The following ARMC2 variants were observed in gnomAD, a reference collection of about 807,000 sequenced individuals.
ARMC2 encodes armadillo repeat containing 2.
Under a neutral mutation model 90.3 loss-of-function variants are expected in ARMC2, and 67 were observed. The ratio of observed to expected loss-of-function variants is 0.74; its 90% CI spans 0.61 to 0.91. ARMC2 has a LOEUF of 0.91. Ranked by LOEUF, ARMC2 falls within the 40% of genes least tolerant of loss-of-function variation. The probability of loss-of-function intolerance (pLI) is 0.00; values close to 1 mark genes in which losing one functional copy is unlikely to be tolerated. For synonymous variants in ARMC2, 393 were observed against 393.0 expected (o/e 1.00, Z 0.00); for missense variants, 920 against 1,030.9 (o/e 0.89, Z 1.47).
rs1219203289 is a variant in ARMC2, at chr6:108,973,709, C to G, written c.*195C>G. 2.2e-6 allele frequency: 1 copy of G among 448,656 alleles called. No homozygotes were observed. Among genetic ancestry groups the G allele is most frequent in the South Asian group, 6.0e-5 (1 of 16,572 alleles). 27.8% of individuals were successfully genotyped at this position (448,656 alleles called of 1,614,324 possible). ...GGTATTATGGAAAAATGAATATACA[C>G]ATTATATTTCCTGTTGAGAGAAATG... On this transcript the variant is annotated 3_prime_UTR_variant, in exon 18 of 18. Transcript: ENST00000392644.
At chr6:109,006,779 C>G in the ARMC2 span, among the ~76,000 whole-genome samples, 3 of 152,158 alleles carry the variant, frequency 2.0e-5, no homozygotes. Context: ...CAACTCTTTT[C>G]TAGTAGATGC....
At chr6:108,909,387 A>G (rs1773160634) in intron 8 of ARMC2, among the ~76,000 whole-genome samples, 1 of 151,376 alleles carries the variant, frequency 6.6e-6, no homozygotes, top group Non-Finnish European at 1.5e-5. Flanking sequence ...CTTTTTTACT[A>G]CTTTAGATAA....
the ARMC2 span, among the ~76,000 whole-genome samples, chr6:109,032,182 A>C: frequency 6.6e-6 from 1 of 151,800 alleles, no homozygotes; most frequent in East Asian, 1.9e-4. Context: ...TGAGGCAGGA[A>C]AATCACTTGA....
rs1777314077 is a variant in ARMC2, at chr6:108,953,179, G to A, written c.1743G>A (p.Gln581=). 2 of 1,613,940 alleles carry A rather than the reference G, an allele frequency of 1.2e-6. No homozygotes were observed. The highest frequency in any genetic ancestry group is 1.3e-5 in the African/African-American group (1 of 74,942). Reference sequence around the variant, plus strand: ...TCCATCAGCTGGATCTGCATTCCCAGAAGCCGGTGGGCCAACGAGGCGAGC... The same window carrying A: ...TCCATCAGCTGGATCTGCATTCCCAAAAGCCGGTGGGCCAACGAGGCGAGC... ...QTFHQLDLHS[Q]KPVGQRGEQH... Residue 581 remains glutamine (Q), a synonymous_variant, in exon 13 of 18, where the codon CAG becomes CAA. Transcript: ENST00000392644.
In ARMC2 at chr6:108,960,796, G is replaced by T. The variant is rs1419044272; in HGVS notation, c.1916-776G>T. Among the ~76,000 whole-genome samples, 3 of 152,184 alleles carry T rather than the reference G, an allele frequency of 2.0e-5. No individual in the cohort carries two copies. The East Asian group carries it at 5.8e-4, about 29-fold the overall frequency. On this transcript the variant is annotated intron_variant, in intron 13 of 17. Transcript: ENST00000392644. ...ACAGTATGTTCCAGAAGAAAGTTCA[G>T]CAGTGCACGGGTTCTCAGGCAGGGG...
rs751600003 is a variant in ARMC2, at chr6:108,953,188, G to A, written c.1752G>A (p.Val584=). The A allele has an allele frequency of 1.8e-5, 29 of 1,614,054 alleles. No homozygotes were observed. In the Middle Eastern group the frequency reaches 6.6e-4, roughly 37 times the overall value. ...HQLDLHSQKP[V]GQRGEQHRAQ... ...TGGATCTGCATTCCCAGAAGCCGGTGGGCCAACGAGGCGAGCAGCACAGGG... is the reference window on the plus strand; with the variant it reads ...TGGATCTGCATTCCCAGAAGCCGGTAGGCCAACGAGGCGAGCAGCACAGGG... The change falls in exon 13 of 18, where the codon GTG becomes GTA. Residue 584 remains valine (V), a synonymous_variant. Transcript: ENST00000392644.
At chr6:108,928,422 ATGATTCTATTG>A (rs1249216551) in intron 11 of ARMC2, among the ~76,000 whole-genome samples, 189 bp downstream of exon 11, 1 of 152,180 alleles carries the variant, frequency 6.6e-6, no homozygotes, top group Non-Finnish European at 1.5e-5. Context: ...CATTGTCTAT[ATGATTCTATTG>A]TGATTCTAAA....
At chr6:109,046,703 G>A in the ARMC2 span, among the ~76,000 whole-genome samples, 4 of 126,146 alleles carry the variant, frequency 3.2e-5, no homozygotes, top group African/African-American at 9.1e-5. Context: ...GCCGCCCATC[G>A]TCTGAGATGT....
At chr6:108,986,776 C>G in the ARMC2 span, 6 of 152,204 alleles carry the variant, frequency 3.9e-5, no homozygotes, top group Admixed American at 2.6e-4. Context: ...CAGCTGCCCT[C>G]CAGTGTCAGG....
chr6:108,860,258 ATTT>A (rs1257791337), intron 3 of ARMC2, among the ~76,000 whole-genome samples: 1 of 151,792 alleles, frequency 6.6e-6, no homozygotes, highest in Admixed American at 6.6e-5. Context: ...GGTAGTTTTG[ATTT>A]TTTAACTAAG....
chr6:108,896,653 G>A (rs1314036773), intron 6 of ARMC2, among the ~76,000 whole-genome samples: 1 of 152,154 alleles, frequency 6.6e-6, no homozygotes, highest in Non-Finnish European at 1.5e-5. Context: ...CATTCAGAAG[G>A]GCCCGTAAGG....
the ARMC2 span, among the ~76,000 whole-genome samples, chr6:109,044,311 C>CCAAAAAAA: frequency 7.0e-5 from 2 of 28,472 alleles, no homozygotes; most frequent in African/African-American, 4.0e-4. Flanking sequence ...GAACTTGCCT[C>CCAAAAAAA]AAAAAAAAAA....
intron 3 of ARMC2, among the ~76,000 whole-genome samples, chr6:108,862,866 T>A (rs892683647): frequency 1.3e-5 from 2 of 152,238 alleles, no homozygotes; most frequent in African/African-American, 4.8e-5. Flanking sequence ...GAACAGGGAC[T>A]CAGACAGCAG....
chr6:109,003,100 T>A, the ARMC2 span, among the ~76,000 whole-genome samples: 360 of 152,164 alleles, frequency 2.4e-3, 2 homozygotes, highest in African/African-American at 8.3e-3. Context: ...TGTTAGGGTT[T>A]CCTTTCCCTC....
chr6:108,984,303 A>T, the ARMC2 span, among the ~76,000 whole-genome samples: 1 of 152,194 alleles, frequency 6.6e-6, no homozygotes, highest in Non-Finnish European at 1.5e-5. Flanking sequence ...AATACCTTAG[A>T]CTGGGTAATT....
chr6:108,907,141 T>G (rs568112082), intron 8 of ARMC2, among the ~76,000 whole-genome samples: 4 of 152,300 alleles, frequency 2.6e-5, no homozygotes, highest in African/African-American at 9.6e-5. Flanking sequence ...TTCATTTTTG[T>G]TTTTTCTTCT....
chr6:109,020,143 A>T, the ARMC2 span, among the ~76,000 whole-genome samples: 1 of 152,154 alleles, frequency 6.6e-6, no homozygotes, highest in Non-Finnish European at 1.5e-5. Flanking sequence ...ACAGGTAAGG[A>T]CTCAACTGCT....
the ARMC2 span, among the ~76,000 whole-genome samples, chr6:109,026,845 A>G: frequency 6.6e-6 from 1 of 151,960 alleles, no homozygotes; most frequent in East Asian, 1.9e-4. Flanking sequence ...TTTCCAAAGT[A>G]GTTGTACCAT....
intron 5 of ARMC2, among the ~76,000 whole-genome samples, chr6:108,885,227 GGTGTGTGTGT>G (rs61665393): frequency 2.0e-5 from 3 of 149,714 alleles, no homozygotes; most frequent in Non-Finnish European, 4.5e-5. Context: ...GGTGCCAAGG[GGTGTGTGTGT>G]GTGTGTGTGT....
Sources: allele counts gnomAD v4.1 joint callset (sites outside exome capture counted in the v4.1 genomes callset), GRCh38; gene constraint gnomAD v4.1.1; transcripts MANE v1.5; gene names NCBI Gene and HGNC (gene_info 2026-07-23, HGNC 2026-07-21).